Variants in EPCIP observed in about 807,000 individuals in gnomAD.
EPCIP encodes exosomal polycystin 1 interacting protein, also known as exosomal polycystin-1-interacting protein.
the EPCIP span, among the ~76,000 whole-genome samples, chr21:32,805,600 G>C: frequency 6.6e-6 from 1 of 152,118 alleles, no homozygotes; most frequent in Non-Finnish European, 1.5e-5. Flanking sequence ...GACCTCAAGT[G>C]ATCTGCCTGC....
At chr21:32,794,186 T>C in the EPCIP span, 16 of 1,614,270 alleles carry the variant, frequency 9.9e-6, no homozygotes, top group Non-Finnish European at 1.1e-5. Flanking sequence ...GATGGTCAGA[T>C]GGCCATTGTA....
At chr21:32,792,288 A>T in the EPCIP span, among the ~76,000 whole-genome samples, 1 of 152,212 alleles carries the variant, frequency 6.6e-6, no homozygotes, top group Admixed American at 6.5e-5. Context: ...TCCTTTTATC[A>T]GCACACATAA....
chr21:32,797,325 T>C, the EPCIP span: 7 of 208,766 alleles, frequency 3.4e-5, no homozygotes, highest in Admixed American at 5.4e-5. Context: ...CTCAGCTCAC[T>C]GCAAGCTCTG....
the EPCIP span, among the ~76,000 whole-genome samples, chr21:32,810,960 T>C: frequency 6.6e-6 from 1 of 152,230 alleles, no homozygotes; most frequent in Admixed American, 6.5e-5. Flanking sequence ...TAAAATGTGA[T>C]ACATGTATGT....
chr21:32,796,382 A>G, the EPCIP span, among the ~76,000 whole-genome samples: 1 of 152,198 alleles, frequency 6.6e-6, no homozygotes, highest in Non-Finnish European at 1.5e-5. Context: ...CCTGGATCCT[A>G]TCCTCCAGGA....
At chr21:32,798,092 T>C in the EPCIP span, 1 of 152,188 alleles carries the variant, frequency 6.6e-6, no homozygotes, top group Non-Finnish European at 1.5e-5. Context: ...CCCAGCACTT[T>C]GGGAGGCTGA....
the EPCIP span, chr21:32,810,477 G>GCATC: frequency 4.0e-5 from 17 of 428,378 alleles, no homozygotes; most frequent in South Asian, 2.8e-4. Flanking sequence ...TAGCTAGGAT[G>GCATC]GTCTGACTCT....
the EPCIP span, chr21:32,813,479 C>A: frequency 2.4e-6 from 1 of 420,646 alleles, no homozygotes; most frequent in South Asian, 1.8e-5. Context: ...GTGACCCTGA[C>A]AATGGTTCTT....
the EPCIP span, chr21:32,810,487 T>C: frequency 9.2e-5 from 41 of 446,600 alleles, no homozygotes; most frequent in Non-Finnish European, 1.7e-4. Flanking sequence ...GGTCTGACTC[T>C]CCTGACCTCG....
At chr21:32,792,841 T>G in the EPCIP span, among the ~76,000 whole-genome samples, 1 of 151,954 alleles carries the variant, frequency 6.6e-6, no homozygotes, top group East Asian at 1.9e-4. Context: ...ACCTCTTATT[T>G]CTTGGTGCAT....
At chr21:32,813,108 G>A in the EPCIP span, among the ~76,000 whole-genome samples, 2 of 152,134 alleles carry the variant, frequency 1.3e-5, no homozygotes. Context: ...ATCAGCCGGT[G>A]TTTTGGGAGT....
At chr21:32,802,239 A>G in the EPCIP span, among the ~76,000 whole-genome samples, 5 of 152,254 alleles carry the variant, frequency 3.3e-5, no homozygotes, top group African/African-American at 4.8e-5. Flanking sequence ...ACATATTACC[A>G]TGCTTACATA....
the EPCIP span, among the ~76,000 whole-genome samples, chr21:32,809,345 CTCTT>C: frequency 1.9e-5 from 1 of 53,288 alleles, no homozygotes; most frequent in African/African-American, 7.3e-5. Flanking sequence ...TCTTTCTTTC[CTCTT>C]TCTTTCTTTT....
chr21:32,803,180 A>G, the EPCIP span, among the ~76,000 whole-genome samples: 22 of 152,136 alleles, frequency 1.4e-4, no homozygotes, highest in African/African-American at 5.1e-4. Flanking sequence ...TTTTCTTTCC[A>G]GGAGCCAGTG....
the EPCIP span, among the ~76,000 whole-genome samples, chr21:32,806,869 C>T: frequency 2.0e-5 from 3 of 152,094 alleles, no homozygotes; most frequent in African/African-American, 7.2e-5. Flanking sequence ...GGGTAATTTA[C>T]AAAAGAAAGA....
the EPCIP span, among the ~76,000 whole-genome samples, chr21:32,796,610 A>C: frequency 6.6e-6 from 1 of 152,234 alleles, no homozygotes. Flanking sequence ...TCATGAAAGA[A>C]AGAGCTTTGA....
At chr21:32,811,292 C>A in the EPCIP span, among the ~76,000 whole-genome samples, 174 of 152,218 alleles carry the variant, frequency 1.1e-3, 2 homozygotes, top group African/African-American at 3.9e-3. Context: ...CCACCACGCC[C>A]AGCTAATTTT....
At chr21:32,804,892 T>C in the EPCIP span, among the ~76,000 whole-genome samples, 223 of 152,336 alleles carry the variant, frequency 1.5e-3, no homozygotes, top group Admixed American at 3.5e-3. Flanking sequence ...ATATGGGATG[T>C]GATCAAAACA....
At chr21:32,794,647 G>A in the EPCIP span, among the ~76,000 whole-genome samples, 1 of 152,362 alleles carries the variant, frequency 6.6e-6, no homozygotes, top group Non-Finnish European at 1.5e-5. Context: ...CACTGGGCAA[G>A]CTCTTTTCTC....
Sources: gnomAD v4.1 joint callset for allele counts (sites outside exome capture counted in the v4.1 genomes callset) on GRCh38, gnomAD v4.1.1 for gene constraint, MANE v1.5 for transcripts, NCBI Gene and HGNC (gene_info 2026-07-23, HGNC 2026-07-21) for gene names.